NRXN1: variants seen among roughly 807,000 people sequenced by gnomAD.
NRXN1 encodes the protein neurexin-1.
Under a neutral mutation model 150.9 loss-of-function variants are expected in NRXN1, and 39 were observed. That is an observed-to-expected ratio of 0.26 (90% CI 0.20 to 0.34). The LOEUF is 0.34. Among genes scored for constraint, NRXN1 ranks in the 10% least tolerant of loss-of-function variants. The pLI is 1.00. For synonymous variants in NRXN1, 924 were observed against 757.0 expected (o/e 1.22, Z -3.62); for missense variants, 1,815 against 1,949.9 (o/e 0.93, Z 1.30).
At chr2:50,863,715 A>AT (rs1305352539) in intron 5 of NRXN1, among the ~76,000 whole-genome samples, 1 of 151,938 alleles carries the variant, frequency 6.6e-6, no homozygotes, top group Non-Finnish European at 1.5e-5. Context: ...TATTATTGTG[A>AT]TTTCCAAATG....
chr2:49,988,226 T>A (rs1167578372), intron 21 of NRXN1, among the ~76,000 whole-genome samples: 2 of 152,006 alleles, frequency 1.3e-5, no homozygotes, highest in African/African-American at 4.8e-5. Context: ...AATGGTTCCA[T>A]TATCTCCTGA....
chr2:50,116,044 A>G (rs1703015102), intron 18 of NRXN1, among the ~76,000 whole-genome samples: 2 of 152,140 alleles, frequency 1.3e-5, no homozygotes, highest in South Asian at 2.1e-4. Context: ...GATTGAAATT[A>G]TCCTAAGGCT....
chr2:50,329,665 A>G (rs1458852073), intron 17 of NRXN1, among the ~76,000 whole-genome samples: 1 of 25,256 alleles, frequency 4.0e-5, no homozygotes, highest in Non-Finnish European at 6.2e-5. Flanking sequence ...ATATATATAT[A>G]TATATATATT....
At chr2:49,947,583 A>G (rs1558560774) in intron 21 of NRXN1, among the ~76,000 whole-genome samples, 2 of 144,244 alleles carry the variant, frequency 1.4e-5, no homozygotes, top group African/African-American at 5.2e-5. Context: ...GCTGATCTAG[A>G]ACTCTTGGCC....
chr2:50,102,726 C>G (rs895491754), intron 18 of NRXN1, among the ~76,000 whole-genome samples: 1 of 151,948 alleles, frequency 6.6e-6, no homozygotes, highest in African/African-American at 2.4e-5. Context: ...CAATAATGAA[C>G]ATTTAGCATT....
At chr2:50,356,940 T>A (rs534624383) in intron 17 of NRXN1, among the ~76,000 whole-genome samples, 1 of 152,166 alleles carries the variant, frequency 6.6e-6, no homozygotes, top group Non-Finnish European at 1.5e-5. Flanking sequence ...TTAAGATTTT[T>A]TTTTAATCAA....
At chr2:50,756,068 T>C (rs1476093871) in intron 5 of NRXN1, among the ~76,000 whole-genome samples, 1 of 151,808 alleles carries the variant, frequency 6.6e-6, no homozygotes, top group East Asian at 1.9e-4. Context: ...AAAGAGACTC[T>C]GAGCAGAATT....
chr2:50,187,649 T>C (rs1036036430), intron 18 of NRXN1, among the ~76,000 whole-genome samples: 2 of 152,100 alleles, frequency 1.3e-5, no homozygotes, highest in Non-Finnish European at 2.9e-5. Flanking sequence ...GGTAGCTTCA[T>C]GGGGATGGCA....
At chr2:50,844,860 T>A (rs199850443) in intron 5 of NRXN1, among the ~76,000 whole-genome samples, 6 of 50,204 alleles carry the variant, frequency 1.2e-4, no homozygotes, top group African/African-American at 2.1e-4. Context: ...CAGCTAATCA[T>A]TTTTTTTTTT....
chr2:50,856,861 A>G (rs1441523000), intron 5 of NRXN1, among the ~76,000 whole-genome samples: 8 of 152,082 alleles, frequency 5.3e-5, no homozygotes, highest in Admixed American at 5.2e-4. Flanking sequence ...TATGGACATG[A>G]TTAGTTTAGA....
chr2:50,397,076 G>C (rs992948702), intron 17 of NRXN1, among the ~76,000 whole-genome samples: 2 of 152,044 alleles, frequency 1.3e-5, no homozygotes, highest in Non-Finnish European at 2.9e-5. Context: ...CCCTATGCAA[G>C]GACCCTACTG....
chr2:50,266,247 C>A (rs1182244966), intron 17 of NRXN1, among the ~76,000 whole-genome samples: 2 of 149,796 alleles, frequency 1.3e-5, no homozygotes, highest in Non-Finnish European at 3.0e-5. Flanking sequence ...GATCCACCTG[C>A]CTTGGCCTCC....
intron 5 of NRXN1, among the ~76,000 whole-genome samples, chr2:50,709,300 T>C (rs937575496): frequency 9.2e-5 from 14 of 152,150 alleles, no homozygotes; most frequent in African/African-American, 2.7e-4. Context: ...TCTATCTTTA[T>C]GGGGTTTACA....
chr2:50,846,536 C>A (rs1673681524), intron 5 of NRXN1, among the ~76,000 whole-genome samples: 1 of 152,010 alleles, frequency 6.6e-6, no homozygotes, highest in Non-Finnish European at 1.5e-5. Context: ...GATCCATAAA[C>A]ATTTTCAGAA....
intron 17 of NRXN1, among the ~76,000 whole-genome samples, chr2:50,362,607 T>C (rs2079299503): frequency 6.6e-6 from 1 of 152,210 alleles, no homozygotes; most frequent in South Asian, 2.1e-4. Context: ...CACAAACAAA[T>C]GGAAAAACAT....
At chr2:50,065,669 T>C (rs996920978) in intron 19 of NRXN1, among the ~76,000 whole-genome samples, 7 of 152,166 alleles carry the variant, frequency 4.6e-5, no homozygotes, top group African/African-American at 1.7e-4. Flanking sequence ...AGCAGTATTT[T>C]GTTTTTTTTC....
chr2:50,569,438 A>G (rs1439693496), intron 8 of NRXN1, among the ~76,000 whole-genome samples: 1 of 152,116 alleles, frequency 6.6e-6, no homozygotes, highest in Admixed American at 6.6e-5. Context: ...AGAAAAATTA[A>G]AAATAAAAGA....
chr2:50,892,614 T>C (rs1226158815), intron 5 of NRXN1, among the ~76,000 whole-genome samples: 1 of 152,156 alleles, frequency 6.6e-6, no homozygotes, highest in African/African-American at 2.4e-5. Flanking sequence ...TGAAACTACC[T>C]TGACATGGAA....
intron 1 of NRXN1, among the ~76,000 whole-genome samples, chr2:51,030,467 C>A (rs1385650979): frequency 1.3e-5 from 2 of 151,302 alleles, no homozygotes; most frequent in Non-Finnish European, 2.9e-5. Flanking sequence ...CAGCTGAGAG[C>A]CACCAAGCTA....
Sources: gnomAD v4.1 joint callset for allele counts (sites outside exome capture counted in the v4.1 genomes callset) on GRCh38, gnomAD v4.1.1 for gene constraint, MANE v1.5 for transcripts, NCBI Gene and HGNC (gene_info 2026-07-23, HGNC 2026-07-21) for gene names.